OXR1: variants seen among roughly 807,000 people sequenced by gnomAD.
OXR1 encodes the protein oxidation resistance 1, also known as oxidation resistance protein 1.
OXR1 carries 41 observed loss-of-function variants against 104.6 expected under a neutral mutation model. That is an observed-to-expected ratio of 0.39 (90% CI 0.31 to 0.51). The LOEUF (loss-of-function observed/expected upper bound fraction) is 0.51. Ranked by LOEUF, OXR1 falls within the 20% of genes least tolerant of loss-of-function variation. OXR1 has a pLI of 0.77. For synonymous variants in OXR1, 348 were observed against 348.4 expected (o/e 1.00, Z 0.01); for missense variants, 955 against 1,031.9 (o/e 0.93, Z 1.02).
chr8:106,452,619 G>A (rs1820377964), intron 2 of OXR1, among the ~76,000 whole-genome samples: 1 of 152,058 alleles, frequency 6.6e-6, no homozygotes, highest in African/African-American at 2.4e-5. Flanking sequence ...GACTTTTAAA[G>A]AAACAAAAGT....
intron 2 of OXR1, among the ~76,000 whole-genome samples, chr8:106,513,180 CT>C (rs924866024): frequency 6.6e-6 from 1 of 152,050 alleles, no homozygotes; most frequent in Non-Finnish European, 1.5e-5. Flanking sequence ...TCTGCCAGTT[CT>C]TTTTTTCACT....
intron 2 of OXR1, among the ~76,000 whole-genome samples, chr8:106,434,837 G>A (rs1415218148): frequency 1.3e-5 from 2 of 152,110 alleles, no homozygotes; most frequent in African/African-American, 4.8e-5. Context: ...CTGATGCTGG[G>A]CATACAATTA....
intron 3 of OXR1, among the ~76,000 whole-genome samples, chr8:106,603,505 C>T (rs1040162465): frequency 4.6e-5 from 7 of 152,046 alleles, no homozygotes; most frequent in Admixed American, 1.3e-4. Context: ...ACCTCCACAA[C>T]GTATTTCAAG....
At chr8:106,699,139 G>T (rs1437923325) in intron 7 of OXR1, among the ~76,000 whole-genome samples, 1 of 152,134 alleles carries the variant, frequency 6.6e-6, no homozygotes, top group South Asian at 2.1e-4. Flanking sequence ...TAATACACTT[G>T]TAAGTATTCT....
intron 6 of OXR1, among the ~76,000 whole-genome samples, chr8:106,686,074 A>G (rs956567654): frequency 6.6e-6 from 1 of 152,144 alleles, no homozygotes; most frequent in Non-Finnish European, 1.5e-5. Flanking sequence ...GAGCTAAGCT[A>G]TGAGGATGCA....
At chr8:106,705,095 G>A (rs1003211093) in intron 8 of OXR1, among the ~76,000 whole-genome samples, 7 of 152,124 alleles carry the variant, frequency 4.6e-5, no homozygotes, top group African/African-American at 4.8e-5. Context: ...TATTAAATCT[G>A]AAGAGTATAG....
chr8:106,633,591 A>G (rs1044957239), intron 3 of OXR1, among the ~76,000 whole-genome samples: 1 of 152,146 alleles, frequency 6.6e-6, no homozygotes, highest in Admixed American at 6.5e-5. Flanking sequence ...CTTATTATCT[A>G]ATTTATTTTT....
At chr8:106,295,326 C>T (rs1812947523) in intron 1 of OXR1, among the ~76,000 whole-genome samples, 1 of 152,050 alleles carries the variant, frequency 6.6e-6, no homozygotes, top group East Asian at 1.9e-4. Context: ...GAGCAACTGG[C>T]ATGAGTGATA....
At chr8:106,714,059 G>C in intron 11 of OXR1, 74 bp downstream of exon 11, 2 of 1,140,374 alleles carry the variant, frequency 1.8e-6, no homozygotes, top group Non-Finnish European at 2.5e-6. Flanking sequence ...GTAGTACAAA[G>C]TATAAGTGAT....
intron 2 of OXR1, among the ~76,000 whole-genome samples, chr8:106,375,882 C>A (rs1329873403): frequency 1.3e-5 from 2 of 152,242 alleles, no homozygotes; most frequent in Non-Finnish European, 2.9e-5. Flanking sequence ...GGTGCCTTAG[C>A]TCTGCTGCCC....
chr8:106,278,514 A>G (rs900405529), intron 1 of OXR1, among the ~76,000 whole-genome samples: 1 of 152,180 alleles, frequency 6.6e-6, no homozygotes, highest in Non-Finnish European at 1.5e-5. Context: ...AACTTGTTAA[A>G]TGTATATTAA....
chr8:106,409,579 A>G (rs1215678400), intron 2 of OXR1, among the ~76,000 whole-genome samples: 1 of 152,210 alleles, frequency 6.6e-6, no homozygotes, highest in African/African-American at 2.4e-5. Flanking sequence ...CAAAAACCTT[A>G]AAACATTTAG....
intron 3 of OXR1, among the ~76,000 whole-genome samples, chr8:106,654,252 C>T (rs1449320967): frequency 6.6e-6 from 1 of 152,020 alleles, no homozygotes; most frequent in African/African-American, 2.4e-5. Flanking sequence ...AAACAATCTT[C>T]AAAATGAAGA....
At chr8:106,343,900 C>G (rs1815364387) in intron 1 of OXR1, among the ~76,000 whole-genome samples, 1 of 152,196 alleles carries the variant, frequency 6.6e-6, no homozygotes, top group African/African-American at 2.4e-5. Context: ...GGTAGTTTAA[C>G]TAAGTTAGAC....
intron 2 of OXR1, among the ~76,000 whole-genome samples, chr8:106,413,655 C>T (rs1386378259): frequency 6.6e-6 from 1 of 151,912 alleles, no homozygotes; most frequent in African/African-American, 2.4e-5. Flanking sequence ...ATCCAGTTCT[C>T]AGTGCTTACA....
At chr8:106,679,383 G>A (rs1827923848) in intron 4 of OXR1, 91 bp downstream of exon 4, 1 of 525,578 alleles carries the variant, frequency 1.9e-6, no homozygotes, top group Non-Finnish European at 3.4e-6. Flanking sequence ...GACAAGCATT[G>A]TTAATTGCCT....
chr8:106,518,150 G>A (rs778558530), intron 2 of OXR1, among the ~76,000 whole-genome samples: 21 of 152,152 alleles, frequency 1.4e-4, no homozygotes, highest in Non-Finnish European at 2.9e-4. Flanking sequence ...AATTGCAAGT[G>A]TTCAGAAAAT....
intron 3 of OXR1, among the ~76,000 whole-genome samples, chr8:106,579,395 A>G (rs1171152054): frequency 6.6e-6 from 1 of 152,182 alleles, no homozygotes; most frequent in East Asian, 1.9e-4. Context: ...GCTGCTTTCC[A>G]GGCCTGCTGA....
At chr8:106,559,120 C>T (rs184267210) in intron 3 of OXR1, among the ~76,000 whole-genome samples, 16 of 152,276 alleles carry the variant, frequency 1.1e-4, no homozygotes, top group Non-Finnish European at 1.8e-4. Context: ...CTCTGAAATA[C>T]CCCATTTAAT....
Sources: allele counts gnomAD v4.1 joint callset (sites outside exome capture counted in the v4.1 genomes callset), GRCh38; gene constraint gnomAD v4.1.1; transcripts MANE v1.5; gene names NCBI Gene and HGNC (gene_info 2026-07-23, HGNC 2026-07-21).